MDGA2: variants seen among roughly 807,000 people sequenced by gnomAD.
MDGA2 encodes MAM domain containing glycosylphosphatidylinositol anchor 2.
Under a neutral mutation model 117.8 loss-of-function variants are expected in MDGA2, and 40 were observed. The ratio of observed to expected loss-of-function variants is 0.34; its 90% CI spans 0.26 to 0.44. The LOEUF is 0.44. Ranked by LOEUF, MDGA2 falls within the 20% of genes least tolerant of loss-of-function variation. The pLI is 1.00. For synonymous variants in MDGA2, 452 were observed against 439.0 expected (o/e 1.03, Z -0.37); for missense variants, 1,123 against 1,250.6 (o/e 0.90, Z 1.54).
At chr14:47,011,510 GT>G (rs1344242270) in intron 8 of MDGA2, among the ~76,000 whole-genome samples, 1 of 151,876 alleles carries the variant, frequency 6.6e-6, no homozygotes, top group Non-Finnish European at 1.5e-5. Context: ...CCCATAGAAT[GT>G]TTCATCAAAA....
At chr14:47,561,158 G>GGTTTTTTTTTTT (rs1566515949) in intron 1 of MDGA2, among the ~76,000 whole-genome samples, 4 of 55,076 alleles carry the variant, frequency 7.3e-5, no homozygotes, top group Admixed American at 2.5e-4. Context: ...TTTTTGTTTT[G>GGTTTTTTTTTTT]TTTTGTTTTT....
intron 1 of MDGA2, among the ~76,000 whole-genome samples, chr14:47,361,736 C>A (rs896175188): frequency 6.6e-6 from 1 of 151,866 alleles, no homozygotes; most frequent in African/African-American, 2.4e-5. Context: ...TTCTTGAATC[C>A]TTTGGGTTTG....
At chr14:47,002,685 C>T (rs1256960188) in intron 8 of MDGA2, among the ~76,000 whole-genome samples, 3 of 151,934 alleles carry the variant, frequency 2.0e-5, no homozygotes, top group Non-Finnish European at 2.9e-5. Context: ...GTCGAGATTA[C>T]ACCGTTGCAC....
intron 1 of MDGA2, among the ~76,000 whole-genome samples, chr14:47,349,587 CT>C (rs1890834041): frequency 6.6e-6 from 1 of 152,146 alleles, no homozygotes; most frequent in South Asian, 2.1e-4. Flanking sequence ...GGCACAAAGC[CT>C]TTTTTAGGAG....
intron 1 of MDGA2, among the ~76,000 whole-genome samples, chr14:47,536,062 C>CGG (rs1002709168): frequency 5.9e-5 from 9 of 152,194 alleles, no homozygotes; most frequent in Non-Finnish European, 1.2e-4. Context: ...AGTGTGTCCA[C>CGG]ATCTGTTAAC....
At chr14:47,470,227 G>A (rs1893694639) in intron 1 of MDGA2, among the ~76,000 whole-genome samples, 1 of 151,806 alleles carries the variant, frequency 6.6e-6, no homozygotes, top group African/African-American at 2.4e-5. Context: ...CAACCTGTCA[G>A]CTACATTAGG....
At chr14:47,065,709 A>G (rs1219348733) in intron 6 of MDGA2, among the ~76,000 whole-genome samples, 1 of 152,240 alleles carries the variant, frequency 6.6e-6, no homozygotes, top group Non-Finnish European at 1.5e-5. Flanking sequence ...CAACAGTCTT[A>G]TACTTTAATG....
intron 1 of MDGA2, among the ~76,000 whole-genome samples, chr14:47,649,903 G>A (rs1763446923): frequency 6.6e-6 from 1 of 151,998 alleles, no homozygotes; most frequent in African/African-American, 2.4e-5. Flanking sequence ...TGGGAGAGAG[G>A]TAGAGAATGT....
intron 3 of MDGA2, among the ~76,000 whole-genome samples, chr14:47,165,558 C>A (rs1303268976): frequency 1.3e-5 from 2 of 152,106 alleles, no homozygotes; most frequent in African/African-American, 4.8e-5. Context: ...GTACCCCATC[C>A]TTTGTAGAGG....
chr14:47,052,123 T>C (rs982873414), intron 7 of MDGA2, among the ~76,000 whole-genome samples: 6 of 151,902 alleles, frequency 3.9e-5, no homozygotes, highest in African/African-American at 1.2e-4. Context: ...AAATGCAAAT[T>C]TTGAAGCTAA....
intron 8 of MDGA2, 127 bp from the exon 9 acceptor site, chr14:46,957,770 A>T: frequency 9.4e-7 from 1 of 1,065,192 alleles, no homozygotes; most frequent in Non-Finnish European, 1.3e-6. Context: ...GAGGTGAATG[A>T]AGAACATATT....
intron 1 of MDGA2, among the ~76,000 whole-genome samples, chr14:47,526,395 G>A (rs542607550): frequency 1.3e-5 from 2 of 152,094 alleles, no homozygotes; most frequent in African/African-American, 2.4e-5. Context: ...TTAAGTGTGA[G>A]TTTTGGGATT....
chr14:46,910,235 CCATT>C (rs1178384209), intron 10 of MDGA2, among the ~76,000 whole-genome samples: 1 of 152,112 alleles, frequency 6.6e-6, no homozygotes, highest in Non-Finnish European at 1.5e-5. Flanking sequence ...CCCCTAGCCT[CCATT>C]CAATCATCAA....
intron 7 of MDGA2, among the ~76,000 whole-genome samples, chr14:47,041,539 C>T (rs777584922): frequency 4.6e-5 from 7 of 151,744 alleles, no homozygotes; most frequent in Non-Finnish European, 5.9e-5. Flanking sequence ...TATACACAGC[C>T]CTTGATATTT....
chr14:47,608,299 CAAAT>C (rs766509339), intron 1 of MDGA2, among the ~76,000 whole-genome samples: 2 of 152,068 alleles, frequency 1.3e-5, no homozygotes, highest in Non-Finnish European at 2.9e-5. Flanking sequence ...CTGTGAGAAA[CAAAT>C]AATCCTAATT....
At chr14:47,210,769 A>G (rs1308751026) in intron 3 of MDGA2, among the ~76,000 whole-genome samples, 1 of 152,132 alleles carries the variant, frequency 6.6e-6, no homozygotes, top group Non-Finnish European at 1.5e-5. Context: ...CTGTAATCCC[A>G]ACACTTTGGG....
At chr14:47,575,038 G>A (rs765185886) in intron 1 of MDGA2, among the ~76,000 whole-genome samples, 1 of 152,168 alleles carries the variant, frequency 6.6e-6, no homozygotes, top group Non-Finnish European at 1.5e-5. Context: ...ATAGGTAGGT[G>A]TCTTCTATTT....
At chr14:47,199,007 T>C (rs1004199807) in intron 3 of MDGA2, among the ~76,000 whole-genome samples, 10 of 152,136 alleles carry the variant, frequency 6.6e-5, no homozygotes, top group African/African-American at 1.7e-4. Context: ...CTCTCCAAGA[T>C]TGCAATATAA....
chr14:47,434,508 A>G (rs1406514883), intron 1 of MDGA2, among the ~76,000 whole-genome samples: 1 of 152,098 alleles, frequency 6.6e-6, no homozygotes, highest in Non-Finnish European at 1.5e-5. Context: ...ATTCTAGACT[A>G]TTTCTCTGAG....
Sources: allele counts gnomAD v4.1 joint callset (sites outside exome capture counted in the v4.1 genomes callset), GRCh38; gene constraint gnomAD v4.1.1; transcripts MANE v1.5; gene names NCBI Gene and HGNC (gene_info 2026-07-23, HGNC 2026-07-21).